Variants in STK3 observed in about 807,000 individuals in gnomAD.
The protein encoded by STK3 is serine/threonine-protein kinase 3.
In STK3, 41 loss-of-function variants were observed where a neutral mutation model predicts 58.0. The ratio of observed to expected loss-of-function variants is 0.71; its 90% CI spans 0.55 to 0.92. STK3 has a LOEUF of 0.92. STK3 is among the 40% of genes least tolerant of loss of function. STK3 has a pLI of 0.00. For missense variants in STK3, 479 were observed against 602.7 expected (o/e 0.79, Z 2.15); for synonymous variants, 170 against 191.0 (o/e 0.89, Z 0.91).
At chr8:98,598,984 G>T (rs1690043853) in intron 6 of STK3, 1 of 792,312 alleles carries the variant, frequency 1.3e-6, no homozygotes, top group East Asian at 1.3e-4. Context: ...ATGTGGAAAG[G>T]GCTGAAAATG....
At chr8:98,628,009 T>C (rs893414414) in intron 6 of STK3, among the ~76,000 whole-genome samples, 1 of 152,336 alleles carries the variant, frequency 6.6e-6, no homozygotes. Flanking sequence ...ATTCAGGTAC[T>C]AAGCAAACAG....
intron 9 of STK3, among the ~76,000 whole-genome samples, chr8:98,546,846 A>T (rs1810738165): frequency 6.6e-6 from 1 of 152,176 alleles, no homozygotes; most frequent in Admixed American, 6.6e-5. Context: ...GCAATCTATT[A>T]CATTTTGTGC....
At chr8:98,622,074 G>A (rs1358804755) in intron 6 of STK3, among the ~76,000 whole-genome samples, 3 of 147,606 alleles carry the variant, frequency 2.0e-5, no homozygotes, top group Admixed American at 6.9e-5. Context: ...GACCAGCTTG[G>A]CCAACATGGT....
chr8:98,672,994 C>A (rs1042565043), intron 6 of STK3, among the ~76,000 whole-genome samples: 3 of 152,090 alleles, frequency 2.0e-5, no homozygotes, highest in African/African-American at 7.2e-5. Context: ...AAAAAATGCA[C>A]ATTTACTGAC....
Position 98,789,482 on chromosome 8 carries a change from GATAAA to G in STK3, c.27-14668_27-14664del, listed in dbSNP as rs201686500. ...AAACAAAAAGCTGGTTCTTTGAAAA[GATAAA>G]ATAAAATTAATAGAACATTAACAAG... is the stretch of plus-strand genomic sequence containing the variant. On this transcript the variant is annotated intron_variant, in intron 1 of 10. Transcript: ENST00000419617. Among the ~76,000 whole-genome samples, 1,015 of 151,920 alleles carry G rather than the reference GATAAA, an allele frequency of 6.7e-3. 4 individuals carry two copies. The highest frequency in any genetic ancestry group is 0.023 in the African/African-American group (956 of 41,448).
At chr8:98,867,506 C>A (rs1837189812) in intron 3 of STK3, among the ~76,000 whole-genome samples, 1 of 152,048 alleles carries the variant, frequency 6.6e-6, no homozygotes, top group Non-Finnish European at 1.5e-5. Context: ...TTGACTAAAA[C>A]CTCCATATGC....
At chr8:98,451,918 A>T (rs954746440), downstream of STK3, among the ~76,000 whole-genome samples, 1 of 151,018 alleles carries the variant, frequency 6.6e-6, no homozygotes, top group African/African-American at 2.4e-5. Context: ...AAACCCTGGT[A>T]CTCCAAAATT....
chr8:98,660,480 A>G (rs188486098), intron 6 of STK3, among the ~76,000 whole-genome samples: 2 of 152,144 alleles, frequency 1.3e-5, no homozygotes, highest in African/African-American at 4.8e-5. Context: ...TCTGTGCACA[A>G]TTTTTCTTAC....
upstream of STK3, among the ~76,000 whole-genome samples, chr8:98,828,658 A>AAAATAAAT (rs775431187): frequency 5.3e-5 from 8 of 151,952 alleles, no homozygotes; most frequent in Non-Finnish European, 8.8e-5. Flanking sequence ...AGAAAGAAAG[A>AAAATAAAT]AAATAAATGA....
intron 7 of STK3, among the ~76,000 whole-genome samples, chr8:98,585,293 C>T (rs1319593595): frequency 1.3e-5 from 2 of 152,180 alleles, no homozygotes; most frequent in African/African-American, 4.8e-5. Context: ...GGAAGGGATC[C>T]AGTTTCAGCC....
At chr8:98,668,457 C>T (rs1822534897) in intron 6 of STK3, among the ~76,000 whole-genome samples, 1 of 152,112 alleles carries the variant, frequency 6.6e-6, no homozygotes, top group Non-Finnish European at 1.5e-5. Flanking sequence ...ACAGTCAGCT[C>T]CACCAGTTGG....
chr8:98,821,104 C>T (rs1376222511), intron 1 of STK3, among the ~76,000 whole-genome samples: 2 of 152,162 alleles, frequency 1.3e-5, no homozygotes, highest in South Asian at 2.1e-4. Flanking sequence ...AGTACTGGTC[C>T]ATGGCCTGTT....
chr8:98,806,592 C>T (rs566254902), intron 1 of STK3, among the ~76,000 whole-genome samples: 1 of 152,186 alleles, frequency 6.6e-6, no homozygotes, highest in East Asian at 1.9e-4. Flanking sequence ...GCTGTTAGTC[C>T]CTGTGTTAAT....
At chr8:98,757,070 C>T (rs1223586713) in intron 3 of STK3, among the ~76,000 whole-genome samples, 1 of 152,018 alleles carries the variant, frequency 6.6e-6, no homozygotes, top group African/African-American at 2.4e-5. Flanking sequence ...CCGTGGAGCC[C>T]CTGTGACACA....
chr8:98,454,083 C>A (rs1239045069), downstream of STK3, among the ~76,000 whole-genome samples: 1 of 152,032 alleles, frequency 6.6e-6, no homozygotes, highest in East Asian at 1.9e-4. Flanking sequence ...TGTAAGGGCT[C>A]AACAGGGTAG....
Position 98,716,863 on chromosome 8 carries a change from C to T in STK3, c.352-9552G>A, listed in dbSNP as rs1458827859. On this transcript the variant is annotated intron_variant, in intron 4 of 10. Coordinates refer to ENST00000419617, the MANE Select transcript of STK3 (RefSeq NM_006281.4). The stretch of plus-strand genomic sequence containing the variant: ...AACAGAGTAGAAAACCCAGAAATAA[C>T]CCTTGTATATATAATCAAATTATTT... Among the ~76,000 whole-genome samples the T allele has an allele frequency of 4.6e-5, 7 of 152,044 alleles. No homozygotes were observed. In the East Asian group the frequency reaches 1.4e-3, roughly 29 times the overall value.
At chr8:98,650,860 C>T (rs1820852733) in intron 6 of STK3, among the ~76,000 whole-genome samples, 1 of 152,246 alleles carries the variant, frequency 6.6e-6, no homozygotes, top group Non-Finnish European at 1.5e-5. Context: ...GTAGCACCCA[C>T]CACAGCTCAA....
At chr8:98,666,398 T>C (rs1343271764) in intron 6 of STK3, among the ~76,000 whole-genome samples, 1 of 152,202 alleles carries the variant, frequency 6.6e-6, no homozygotes, top group East Asian at 1.9e-4. Context: ...AGAATATTAC[T>C]TGTAATAGAT....
At chr8:98,474,725 G>C (rs1181295429) in intron 10 of STK3, among the ~76,000 whole-genome samples, 2 of 152,014 alleles carry the variant, frequency 1.3e-5, no homozygotes, top group African/African-American at 4.8e-5. Flanking sequence ...AGTCTTCCTG[G>C]TCAAATTTTC....
Sources: allele counts gnomAD v4.1 joint callset (sites outside exome capture counted in the v4.1 genomes callset), GRCh38; gene constraint gnomAD v4.1.1; transcripts MANE v1.5; gene names NCBI Gene and HGNC (gene_info 2026-07-23, HGNC 2026-07-21).